The following NRG1 variants were observed in gnomAD, a reference collection of about 807,000 sequenced individuals.
NRG1 encodes the protein pro-neuregulin-1, membrane-bound isoform.
A neutral mutation model predicts 63.8 loss-of-function variants in NRG1; 18 were observed. The ratio of observed to expected loss-of-function variants is 0.28; its 90% CI spans 0.19 to 0.42. NRG1 has a LOEUF of 0.42. NRG1 is among the 10% of genes least tolerant of loss of function. The pLI is 1.00. For missense variants in NRG1, 762 were observed against 814.7 expected, an observed-to-expected ratio of 0.94 and a Z score of 0.79; for synonymous variants, 302 against 301.3, an observed-to-expected ratio of 1.00 and a Z score of -0.02.
chr8:32,648,904 T>C (rs956742738), intron 5 of NRG1, among the ~76,000 whole-genome samples: 1 of 152,166 alleles, frequency 6.6e-6, no homozygotes, highest in African/African-American at 2.4e-5. Flanking sequence ...TGTATCTTAA[T>C]TGGTTCTTTG....
intron 5 of NRG1, among the ~76,000 whole-genome samples, chr8:32,672,395 C>T (rs543080849): frequency 6.6e-5 from 10 of 152,258 alleles, no homozygotes; most frequent in Admixed American, 5.2e-4. Context: ...CTATTGCTGA[C>T]ATCACTCTCC....
chr8:31,672,954 T>C (rs1285110326), intron 1 of NRG1, among the ~76,000 whole-genome samples: 2 of 151,440 alleles, frequency 1.3e-5, no homozygotes, highest in Admixed American at 6.6e-5. Flanking sequence ...AATCATAGTT[T>C]TTTTTTTTTT....
chr8:31,839,888 G>T (rs1826027394), intron 1 of NRG1, among the ~76,000 whole-genome samples: 1 of 152,138 alleles, frequency 6.6e-6, no homozygotes, highest in Non-Finnish European at 1.5e-5. Flanking sequence ...GGACAGGATT[G>T]TGGCCCTCTG....
At chr8:32,599,284 A>C (rs1843903171) in intron 2 of NRG1, among the ~76,000 whole-genome samples, 1 of 152,090 alleles carries the variant, frequency 6.6e-6, no homozygotes, top group African/African-American at 2.4e-5. Flanking sequence ...GCAGAGGTGA[A>C]GTTTAGTTTG....
chr8:32,738,439 C>T (rs1827626285), intron 6 of NRG1, among the ~76,000 whole-genome samples: 1 of 151,808 alleles, frequency 6.6e-6, no homozygotes, highest in African/African-American at 2.4e-5. Context: ...CACACACACA[C>T]ACACACATAT....
intron 1 of NRG1, among the ~76,000 whole-genome samples, chr8:32,281,195 T>TTTTTTTTTTTTTTTTTTTTG (rs1852790731): frequency 7.0e-6 from 1 of 142,004 alleles, no homozygotes; most frequent in Non-Finnish European, 1.5e-5. Flanking sequence ...TTTTTTTTTT[T>TTTTTTTTTTTTTTTTTTTTG]GAGACAGAAT....
chr8:31,860,677 T>C (rs1388294307), intron 1 of NRG1, among the ~76,000 whole-genome samples: 1 of 152,186 alleles, frequency 6.6e-6, no homozygotes, highest in Non-Finnish European at 1.5e-5. Context: ...AAACAATGAT[T>C]ATTTGGCGTG....
Position 32,615,059 on chromosome 8 carries a change from A to T in NRG1, c.451+495A>T, listed in dbSNP as rs1204636432. 5.0e-5 allele frequency among the ~76,000 whole-genome samples: 7 copies of T among 140,990 alleles called. No homozygotes were observed. The Admixed American group carries it at 5.1e-4, about 10-fold the overall frequency. 92.5% of individuals were successfully genotyped at this position (140,990 alleles called of 152,430 possible). A position where few individuals can be genotyped will look rare whatever the true frequency, so the allele number is the denominator to read the frequency against. On this transcript the variant is annotated intron_variant, in intron 4 of 11. Transcript: ENST00000356819. ...ACAAAAAGACTTACAGCCTTTAAAA[A>T]TGCTGTTGTCTTTGTTTTGGTTGGT...
At chr8:31,654,720 C>T (rs1465583329) in intron 1 of NRG1, among the ~76,000 whole-genome samples, 1 of 152,168 alleles carries the variant, frequency 6.6e-6, no homozygotes, top group Non-Finnish European at 1.5e-5. Context: ...GGAGAATCGC[C>T]TGAGGCCAGG....
intron 1 of NRG1, among the ~76,000 whole-genome samples, chr8:32,357,295 C>T (rs55976610): frequency 0.056 from 8,563 of 152,246 alleles, 315 homozygotes; most frequent in Middle Eastern, 0.099. Flanking sequence ...TAAAAATCCT[C>T]AGAAGATATA....
chr8:32,014,790 T>C (rs1815261014), intron 1 of NRG1, among the ~76,000 whole-genome samples: 1 of 151,424 alleles, frequency 6.6e-6, no homozygotes, highest in African/African-American at 2.4e-5. Context: ...AATAAGGTCT[T>C]TGCAGATGAT....
At chr8:32,516,938 T>C (rs1429375472) in intron 1 of NRG1, among the ~76,000 whole-genome samples, 2 of 151,994 alleles carry the variant, frequency 1.3e-5, no homozygotes, top group Non-Finnish European at 2.9e-5. Flanking sequence ...TGATGATGAA[T>C]TCTCTAGCAG....
intron 1 of NRG1, among the ~76,000 whole-genome samples, chr8:31,822,003 A>T (rs1320626197): frequency 6.6e-6 from 1 of 152,294 alleles, no homozygotes; most frequent in East Asian, 1.9e-4. Flanking sequence ...TTTGTCTGTG[A>T]TCAGAGCGGA....
At chr8:31,948,000 T>C (rs567675035) in intron 1 of NRG1, among the ~76,000 whole-genome samples, 4 of 145,190 alleles carry the variant, frequency 2.8e-5, no homozygotes, top group Non-Finnish European at 6.0e-5. Context: ...ATGTTTTGAA[T>C]GCTTTAATTC....
At chr8:32,419,331 G>C (rs1344677149) in intron 1 of NRG1, among the ~76,000 whole-genome samples, 1 of 152,198 alleles carries the variant, frequency 6.6e-6, no homozygotes, top group African/African-American at 2.4e-5. Context: ...CGTTGGAACA[G>C]AGCTTCACAT....
At chr8:31,840,891 T>G (rs1313677973) in intron 1 of NRG1, among the ~76,000 whole-genome samples, 2 of 151,954 alleles carry the variant, frequency 1.3e-5, no homozygotes, top group Non-Finnish European at 2.9e-5. Flanking sequence ...ACAGCCAAGT[T>G]TTTTTTTAGG....
chr8:31,780,269 G>C (rs964123259), intron 1 of NRG1, among the ~76,000 whole-genome samples: 1 of 152,170 alleles, frequency 6.6e-6, no homozygotes, highest in South Asian at 2.1e-4. Flanking sequence ...GGGTTAGCTA[G>C]CTTGTTTACT....
intron 1 of NRG1, among the ~76,000 whole-genome samples, chr8:32,339,306 C>T (rs1256631393): frequency 2.0e-5 from 3 of 152,152 alleles, no homozygotes. Flanking sequence ...CCTATTTCAT[C>T]AGTTCCTCTC....
intron 1 of NRG1, among the ~76,000 whole-genome samples, chr8:31,948,320 T>C (rs1802941671): frequency 1.3e-5 from 2 of 152,262 alleles, no homozygotes; most frequent in South Asian, 4.1e-4. Context: ...TCCAGGTAAA[T>C]GGAAGGAAAA....
Sources: allele counts gnomAD v4.1 joint callset (sites outside exome capture counted in the v4.1 genomes callset), GRCh38; gene constraint gnomAD v4.1.1; transcripts MANE v1.5; gene names NCBI Gene and HGNC (gene_info 2026-07-23, HGNC 2026-07-21).